The following ST6GAL1 variants were observed in gnomAD, a reference collection of about 807,000 sequenced individuals.
ST6GAL1 encodes the protein ST6 beta-galactoside alpha-2,6-sialyltransferase 1, also known as beta-galactoside alpha-2,6-sialyltransferase 1.
ST6GAL1 carries 20 observed loss-of-function variants against 38.0 expected under a neutral mutation model. That is an observed-to-expected ratio of 0.53 (90% CI 0.37 to 0.77). The LOEUF is 0.77. Ranked by LOEUF, ST6GAL1 falls within the 30% of genes least tolerant of loss-of-function variation. ST6GAL1 has a pLI of 0.00. For synonymous variants in ST6GAL1, 196 were observed against 188.2 expected (o/e 1.04, Z -0.34); for missense variants, 432 against 496.4 (o/e 0.87, Z 1.23).
chr3:186,987,482 A>G (rs1306615747), intron 2 of ST6GAL1, among the ~76,000 whole-genome samples: 1 of 152,168 alleles, frequency 6.6e-6, no homozygotes, highest in Non-Finnish European at 1.5e-5. Flanking sequence ...AAGCCAAGAA[A>G]TGTAGTTGCT....
intron 5 of ST6GAL1, among the ~76,000 whole-genome samples, chr3:187,055,898 C>T (rs957950443): frequency 6.6e-6 from 1 of 152,076 alleles, no homozygotes; most frequent in Non-Finnish European, 1.5e-5. Flanking sequence ...CTAATATTGA[C>T]AGTGGGGTGT....
At chr3:186,936,939 C>CAAAAAAAA (rs60914982) in intron 1 of ST6GAL1, among the ~76,000 whole-genome samples, 20 of 87,954 alleles carry the variant, frequency 2.3e-4, no homozygotes, top group Non-Finnish European at 2.7e-4. Flanking sequence ...AAGACTGTCT[C>CAAAAAAAA]AAAAAAAAAA....
chr3:187,066,198 A>G (rs1719117626), intron 5 of ST6GAL1, among the ~76,000 whole-genome samples: 1 of 152,120 alleles, frequency 6.6e-6, no homozygotes, highest in Admixed American at 6.5e-5. Context: ...TGGAGCTAAA[A>G]TTTAATCATG....
At position 186,952,979 on chromosome 3, in the gene ST6GAL1, C is replaced by CAGA. The variant is rs1272074170; in HGVS notation, c.-324-10806_-324-10805insAGA. Among the ~76,000 whole-genome samples, 4 of 152,336 alleles carry CAGA rather than the reference C, an allele frequency of 2.6e-5. No homozygotes were observed. Among genetic ancestry groups the CAGA allele is most frequent in the African/African-American group, 9.6e-5 (4 of 41,580 alleles). On this transcript the variant is annotated intron_variant, in intron 1 of 7. Coordinates refer to ENST00000169298, the MANE Select transcript of ST6GAL1 (RefSeq NM_173216.2). The surrounding 1 kb of genome is among the most constrained non-coding windows in gnomAD (Gnocchi z 4.1). ...CTCTTTCTCTCATGCTGCACCCACT[C>CAGA]TGTTAGCAAACCATGTCAGCTGTGC...
chr3:187,022,769 T>G (rs910490077), intron 2 of ST6GAL1, among the ~76,000 whole-genome samples: 1 of 152,182 alleles, frequency 6.6e-6, no homozygotes, highest in Non-Finnish European at 1.5e-5. Context: ...GGGCAAAATA[T>G]TTTAATTTCC....
At chr3:186,967,863 T>A (rs1264606496) in intron 2 of ST6GAL1, among the ~76,000 whole-genome samples, 2 of 152,230 alleles carry the variant, frequency 1.3e-5, no homozygotes, top group East Asian at 3.8e-4. Context: ...AAAACCACCG[T>A]GGCAGTAGAG....
intron 2 of ST6GAL1, among the ~76,000 whole-genome samples, chr3:186,987,087 C>T (rs949397707): frequency 6.8e-6 from 1 of 148,082 alleles, no homozygotes; most frequent in Non-Finnish European, 1.5e-5. Context: ...CTATTTTACT[C>T]TTACCATTTC....
At chr3:187,021,387 C>T (rs568362496) in intron 2 of ST6GAL1, among the ~76,000 whole-genome samples, 73 of 152,308 alleles carry the variant, frequency 4.8e-4, no homozygotes, top group African/African-American at 1.6e-3. Flanking sequence ...CTCCTGCCGT[C>T]CTTTCACCTG....
intron 1 of ST6GAL1, among the ~76,000 whole-genome samples, chr3:186,938,502 T>C (rs991487395): frequency 1.3e-5 from 2 of 152,224 alleles, no homozygotes; most frequent in African/African-American, 4.8e-5. Flanking sequence ...ATAGCTGTTA[T>C]TGTTATAACT....
chr3:187,000,513 G>A (rs1716583044), intron 2 of ST6GAL1, among the ~76,000 whole-genome samples: 1 of 152,162 alleles, frequency 6.6e-6, no homozygotes, highest in South Asian at 2.1e-4. Context: ...AGTGAGCCAA[G>A]ATTTTGCCAT....
chr3:187,000,861 T>C (rs907975189), intron 2 of ST6GAL1, among the ~76,000 whole-genome samples: 5 of 152,258 alleles, frequency 3.3e-5, no homozygotes, highest in African/African-American at 1.2e-4. Context: ...ACTGTTTTGC[T>C]ATTAATCACC....
At chr3:187,013,923 G>A (rs1008660351) in intron 2 of ST6GAL1, among the ~76,000 whole-genome samples, 31 of 152,180 alleles carry the variant, frequency 2.0e-4, no homozygotes, top group African/African-American at 7.2e-4. Context: ...TCAAGGTCTC[G>A]TGTTTAGCCA....
At chr3:187,067,001 T>C (rs736341) in intron 5 of ST6GAL1, among the ~76,000 whole-genome samples, 36,915 of 151,672 alleles carry the variant, frequency 0.24, 5,606 homozygotes, top group Non-Finnish European at 0.34. Flanking sequence ...ATGGAGTGAG[T>C]TAGACACAGA....
intron 1 of ST6GAL1, among the ~76,000 whole-genome samples, chr3:186,946,381 CTTATTA>C (rs112136993): frequency 0.052 from 7,888 of 151,354 alleles, 633 homozygotes; most frequent in African/African-American, 0.18. Flanking sequence ...TTTTAAAAAA[CTTATTA>C]TTATTATTTT....
chr3:186,953,932 C>T (rs919416083), intron 1 of ST6GAL1, among the ~76,000 whole-genome samples: 1 of 151,892 alleles, frequency 6.6e-6, no homozygotes, highest in Admixed American at 6.6e-5. Flanking sequence ...AACCCATCAC[C>T]TAGGTATTAA....
intron 5 of ST6GAL1, among the ~76,000 whole-genome samples, chr3:187,056,936 C>T (rs971998838): frequency 6.6e-6 from 1 of 152,194 alleles, no homozygotes; most frequent in Non-Finnish European, 1.5e-5. Context: ...CTTTCAGGTA[C>T]ACCAGTGAAA....
At chr3:187,010,951 T>C (rs1422725196) in intron 2 of ST6GAL1, among the ~76,000 whole-genome samples, 1 of 152,204 alleles carries the variant, frequency 6.6e-6, no homozygotes, top group Non-Finnish European at 1.5e-5. Context: ...AAAGAAAATC[T>C]AGCCCCTTCT....
At chr3:187,046,564 C>G (rs563545621) in intron 4 of ST6GAL1, among the ~76,000 whole-genome samples, 34 of 152,250 alleles carry the variant, frequency 2.2e-4, no homozygotes, top group African/African-American at 6.0e-4. Flanking sequence ...TCAGAAGGGT[C>G]AGAGACCGGC....
intron 2 of ST6GAL1, among the ~76,000 whole-genome samples, chr3:187,013,445 G>A (rs910027634): frequency 6.6e-6 from 1 of 152,148 alleles, no homozygotes; most frequent in Non-Finnish European, 1.5e-5. Flanking sequence ...CTGTGCCCTG[G>A]TTTCAGGCTT....
Sources: gnomAD v4.1 joint callset for allele counts (sites outside exome capture counted in the v4.1 genomes callset) on GRCh38, gnomAD v4.1.1 for gene constraint, Gnocchi (gnomAD v3.1) non-coding constraint, MANE v1.5 for transcripts, NCBI Gene and HGNC (gene_info 2026-07-23, HGNC 2026-07-21) for gene names.